FMNL2: variants seen among roughly 807,000 people sequenced by gnomAD.
The protein encoded by FMNL2 is formin-like protein 2.
FMNL2 carries 51 observed loss-of-function variants against 130.2 expected under a neutral mutation model. The observed-to-expected ratio is 0.39, with a 90% CI of 0.31 to 0.49. FMNL2 has a LOEUF of 0.49. Among genes scored for constraint, FMNL2 ranks in the 20% least tolerant of loss-of-function variants. The pLI is 0.85. For missense variants in FMNL2, 977 were observed against 1,316.2 expected (o/e 0.74, Z 3.99); for synonymous variants, 465 against 467.1 (o/e 1.00, Z 0.06).
At chr2:152,402,192 A>G (rs555959448) in intron 1 of FMNL2, among the ~76,000 whole-genome samples, 50 of 152,134 alleles carry the variant, frequency 3.3e-4, no homozygotes, top group Middle Eastern at 3.4e-3. Flanking sequence ...GTGAGCCACT[A>G]CGCCCGGCCG....
Position 152,647,842 on chromosome 2 carries a change from C to T in FMNL2, c.3216C>T (p.Ser1072=), listed in dbSNP as rs369805272. 5 of 1,613,852 alleles carry T rather than the reference C, an allele frequency of 3.1e-6. No homozygotes were observed. In the South Asian group the frequency reaches 4.4e-5, roughly 14 times the overall value. Residue 1072 remains serine, a synonymous_variant, in exon 26 of 26, where the codon AGC becomes AGT. Transcript: ENST00000288670. ...GACGAGCCGATGCGGTGAGGAGAAG[C>T]GTCAGGCGGCGCTTTGATGATCAGA... ...PYRRADAVRR[S]VRRRFDDQNL... is the part of the protein sequence containing the mutation.
rs145955003 is a variant in FMNL2 at position 152,404,847 on chromosome 2, A to G, written c.117+69127A>G. Among the ~76,000 whole-genome samples, 138 of 152,274 alleles carry G rather than the reference A, an allele frequency of 9.1e-4. 2 individuals are homozygous for G. In the South Asian group the frequency reaches 0.021, roughly 23 times the overall value. On this transcript the variant is annotated intron_variant, in intron 1 of 25. Transcript: ENST00000288670. The stretch of plus-strand genomic sequence containing the variant: ...CATGTGGCATTTTCTCCCATGTTGA[A>G]ATAACATGAGATGGAGAACATTGTG...
At chr2:152,469,297 G>C (rs1300989873) in intron 1 of FMNL2, among the ~76,000 whole-genome samples, 1 of 152,202 alleles carries the variant, frequency 6.6e-6, no homozygotes, top group East Asian at 1.9e-4. Context: ...TAACACCGAG[G>C]AGGAAGTCAG....
intron 25 of FMNL2, among the ~76,000 whole-genome samples, chr2:152,646,240 G>T (rs764277905): frequency 1.1e-4 from 16 of 152,042 alleles, no homozygotes; most frequent in South Asian, 2.1e-4. Context: ...GCTGAGATGT[G>T]TGGATCCCTT....
chr2:152,643,382 TTC>T lies in FMNL2; in HGVS notation c.3169+2470_3169+2471del, dbSNP rs930258533. On this transcript the variant is annotated intron_variant, in intron 25 of 25. Transcript: ENST00000288670. ...CAATAGATCTTGGCTTTTTATTCTC[TTC>T]TGTTTGTGTTGTTTGGCTGTCATTT... 5.5e-5 allele frequency: 84 copies of T among 1,535,812 alleles called. No homozygotes were observed. In the African/African-American group the frequency reaches 1.1e-3, roughly 20 times the overall value.
chr2:152,390,320 G>A lies in FMNL2; in HGVS notation c.117+54600G>A, dbSNP rs558452918. 100 of 1,236,396 alleles carry A rather than the reference G, an allele frequency of 8.1e-5. No individual in the cohort carries two copies. The South Asian group carries it at 1.2e-3, about 15-fold the overall frequency. The allele number at this position is 1,236,396 out of a possible 1,614,324, so 76.6% of individuals were successfully genotyped here. On this transcript the variant is annotated intron_variant, in intron 1 of 25. Transcript: ENST00000288670. Reference sequence around the variant, plus strand: ...ATGGGGAGCTCTACAACGAAGTGAAGGTAGGGGAGAGCTCGTGGCTCATTG... The same window carrying A: ...ATGGGGAGCTCTACAACGAAGTGAAAGTAGGGGAGAGCTCGTGGCTCATTG...
chr2:152,471,588 A>C (rs1362930135), intron 1 of FMNL2, among the ~76,000 whole-genome samples: 1 of 152,076 alleles, frequency 6.6e-6, no homozygotes, highest in Non-Finnish European at 1.5e-5. Context: ...TAGCAGCCCC[A>C]CTCCAGAACT....
At chr2:152,501,905 A>G (rs1282880219) in intron 1 of FMNL2, among the ~76,000 whole-genome samples, 1 of 152,204 alleles carries the variant, frequency 6.6e-6, no homozygotes, top group Admixed American at 6.5e-5. Flanking sequence ...TTTAAATTTC[A>G]TAAGTTATAG....
intron 9 of FMNL2, among the ~76,000 whole-genome samples, chr2:152,589,999 A>ATGTATATGTG (rs58850746): frequency 1.7e-5 from 2 of 115,938 alleles, no homozygotes; most frequent in African/African-American, 6.5e-5. Context: ...ATGTATATGT[A>ATGTATATGTG]TATATATATA....
chr2:152,476,999 G>T (rs16831174), intron 1 of FMNL2, among the ~76,000 whole-genome samples: 5 of 151,926 alleles, frequency 3.3e-5, no homozygotes, highest in African/African-American at 4.8e-5. Context: ...CTTATTTATC[G>T]TCTCAAGCTT....
intron 6 of FMNL2, among the ~76,000 whole-genome samples, chr2:152,570,209 G>C (rs1048280953): frequency 6.6e-6 from 1 of 152,170 alleles, no homozygotes; most frequent in African/African-American, 2.4e-5. Context: ...AGTCAGTTTT[G>C]TAATCTGTAA....
intron 7 of FMNL2, among the ~76,000 whole-genome samples, chr2:152,577,148 A>T (rs1163903494): frequency 6.6e-6 from 1 of 152,150 alleles, no homozygotes; most frequent in Non-Finnish European, 1.5e-5. Context: ...GACTAGGATC[A>T]TAGGAGTGGA....
At chr2:152,644,097 T>G (rs1247686424) in intron 25 of FMNL2, among the ~76,000 whole-genome samples, 1 of 152,088 alleles carries the variant, frequency 6.6e-6, no homozygotes, top group African/African-American at 2.4e-5. Context: ...GGTGCACACT[T>G]GTAGTCCCAG....
intron 22 of FMNL2, among the ~76,000 whole-genome samples, chr2:152,637,158 G>A (rs1682688258): frequency 1.3e-5 from 2 of 152,190 alleles, no homozygotes; most frequent in Non-Finnish European, 2.9e-5. Flanking sequence ...GTCATAGGGA[G>A]TGTTGAAGCA....
At chr2:152,500,785 G>C (rs993916438) in intron 1 of FMNL2, among the ~76,000 whole-genome samples, 5 of 150,970 alleles carry the variant, frequency 3.3e-5, no homozygotes, top group Middle Eastern at 3.4e-3. Context: ...GCGAGGCAGA[G>C]GTTGCAGTGA....
intron 3 of FMNL2, among the ~76,000 whole-genome samples, chr2:152,544,801 A>G (rs750597270): frequency 5.3e-5 from 8 of 152,208 alleles, no homozygotes; most frequent in Non-Finnish European, 8.8e-5. Flanking sequence ...ATGGAGGAAG[A>G]TGCTTAGAAG....
chr2:152,602,135 C>T (rs1421054010), intron 9 of FMNL2, among the ~76,000 whole-genome samples: 2 of 152,160 alleles, frequency 1.3e-5, no homozygotes, highest in African/African-American at 4.8e-5. Flanking sequence ...CCCTTTACCC[C>T]CATCAGTCTT....
chr2:152,349,704 G>C (rs1437301253), intron 1 of FMNL2, among the ~76,000 whole-genome samples: 1 of 151,520 alleles, frequency 6.6e-6, no homozygotes, highest in Non-Finnish European at 1.5e-5. Flanking sequence ...CATAATCAGT[G>C]TAGATGTAGA....
At chr2:152,458,514 G>A (rs957393328) in intron 1 of FMNL2, among the ~76,000 whole-genome samples, 3 of 152,104 alleles carry the variant, frequency 2.0e-5, no homozygotes, top group Admixed American at 1.3e-4. Flanking sequence ...GAAATCCTGC[G>A]ACATTGGCCA....
Sources: allele counts gnomAD v4.1 joint callset (sites outside exome capture counted in the v4.1 genomes callset), GRCh38; gene constraint gnomAD v4.1.1; transcripts MANE v1.5; gene names NCBI Gene and HGNC (gene_info 2026-07-23, HGNC 2026-07-21).